The following ULK4 variants were observed in gnomAD, a reference collection of about 807,000 sequenced individuals.
The protein encoded by ULK4 is inactive serine/threonine-protein kinase ULK4.
Under a neutral mutation model 160.6 loss-of-function variants are expected in ULK4, and 133 were observed. The observed-to-expected ratio is 0.83, with a 90% CI of 0.72 to 0.96. ULK4 has a LOEUF of 0.96. ULK4 is among the 40% of genes least tolerant of loss of function. The pLI, the probability that ULK4 is intolerant of heterozygous loss-of-function variation, is 0.00. For missense variants in ULK4, 1,580 were observed against 1,499.5 expected, an observed-to-expected ratio of 1.05 and a Z score of -0.89; for synonymous variants, 534 against 539.8, an observed-to-expected ratio of 0.99 and a Z score of 0.15.
At chr3:41,545,672 C>T (rs1459112365) in intron 32 of ULK4, among the ~76,000 whole-genome samples, 1 of 152,134 alleles carries the variant, frequency 6.6e-6, no homozygotes, top group African/African-American at 2.4e-5. Context: ...ATATGCTTTA[C>T]CAAATTTGTG....
chr3:41,473,185 CA>C (rs1290087289), intron 32 of ULK4, among the ~76,000 whole-genome samples: 3 of 152,212 alleles, frequency 2.0e-5, no homozygotes, highest in Non-Finnish European at 2.9e-5. Flanking sequence ...CAGAGGAACA[CA>C]AGGATGCCCA....
intron 17 of ULK4, among the ~76,000 whole-genome samples, chr3:41,837,128 T>C (rs2041781653): frequency 6.6e-6 from 1 of 152,222 alleles, no homozygotes; most frequent in African/African-American, 2.4e-5. Context: ...TGGTCTCATT[T>C]TGCAAATAAG....
At chr3:41,584,122 A>G (rs1268708857) in intron 31 of ULK4, among the ~76,000 whole-genome samples, 2 of 152,330 alleles carry the variant, frequency 1.3e-5, no homozygotes, top group East Asian at 1.9e-4. Context: ...TCTGATTTAT[A>G]AAGAATGGTA....
chr3:41,762,507 T>C (rs1051159433), intron 21 of ULK4, among the ~76,000 whole-genome samples: 1 of 152,052 alleles, frequency 6.6e-6, no homozygotes, highest in Non-Finnish European at 1.5e-5. Flanking sequence ...CTGGGTAATA[T>C]ATAAAGGAAA....
intron 30 of ULK4, among the ~76,000 whole-genome samples, chr3:41,632,737 A>AC (rs200883700): frequency 0.022 from 1,400 of 65,052 alleles, 18 homozygotes; most frequent in African/African-American, 0.1. Context: ...GATTCTAACA[A>AC]AAAAAAAAAA....
intron 21 of ULK4, among the ~76,000 whole-genome samples, chr3:41,781,731 G>C (rs1355151665): frequency 1.3e-5 from 2 of 152,296 alleles, no homozygotes; most frequent in East Asian, 3.9e-4. Flanking sequence ...CTGAGGTCAG[G>C]AGTTCGAGAC....
At chr3:41,745,953 GA>G (rs574504371) in intron 22 of ULK4, among the ~76,000 whole-genome samples, 15 of 146,026 alleles carry the variant, frequency 1.0e-4, no homozygotes, top group African/African-American at 2.8e-4. Flanking sequence ...CATGATGAGA[GA>G]AAAAAAAAAC....
chr3:41,551,942 C>T (rs1367097639), intron 32 of ULK4, among the ~76,000 whole-genome samples: 1 of 151,778 alleles, frequency 6.6e-6, no homozygotes, highest in Middle Eastern at 3.2e-3. Flanking sequence ...ATTCCAGGGA[C>T]ACAAGGATGG....
intron 32 of ULK4, among the ~76,000 whole-genome samples, chr3:41,534,020 G>C (rs1436166123): frequency 6.6e-6 from 1 of 152,104 alleles, no homozygotes; most frequent in Non-Finnish European, 1.5e-5. Flanking sequence ...TGTTAGCCAA[G>C]ATGGTCTCGA....
intron 35 of ULK4, among the ~76,000 whole-genome samples, chr3:41,397,017 G>A (rs1480839136): frequency 6.6e-6 from 1 of 152,118 alleles, no homozygotes; most frequent in Non-Finnish European, 1.5e-5. Context: ...ATTGGTGCAA[G>A]TCATTTTGAG....
At chr3:41,614,079 G>A (rs779413668) in intron 31 of ULK4, among the ~76,000 whole-genome samples, 24 of 152,210 alleles carry the variant, frequency 1.6e-4, no homozygotes, top group Non-Finnish European at 3.4e-4. Flanking sequence ...GTATGAAGGT[G>A]TTCTGGTAAC....
At chr3:41,578,900 A>T (rs1162167961) in intron 31 of ULK4, among the ~76,000 whole-genome samples, 2 of 152,220 alleles carry the variant, frequency 1.3e-5, no homozygotes, top group Non-Finnish European at 2.9e-5. Flanking sequence ...TTCAGAGCTT[A>T]ATTTCTTCAG....
At chr3:41,394,934 G>A (rs1161162346) in intron 35 of ULK4, among the ~76,000 whole-genome samples, 1 of 152,102 alleles carries the variant, frequency 6.6e-6, no homozygotes, top group Non-Finnish European at 1.5e-5. Context: ...ACATCAAAGA[G>A]TTAGAGTGAC....
At chr3:41,441,238 A>T (rs9859726) in intron 34 of ULK4, among the ~76,000 whole-genome samples, 45,976 of 151,856 alleles carry the variant, frequency 0.3, 7,115 homozygotes, top group African/African-American at 0.32. Flanking sequence ...AACTAAGGTA[A>T]TTGATTTGAG....
At chr3:41,808,753 G>A (rs1247157375) in intron 19 of ULK4, among the ~76,000 whole-genome samples, 2 of 152,184 alleles carry the variant, frequency 1.3e-5, no homozygotes, top group Admixed American at 6.5e-5. Flanking sequence ...TAGGCAGGCC[G>A]TTAGCCTTGC....
At chr3:41,525,397 C>T (rs1434335807) in intron 32 of ULK4, among the ~76,000 whole-genome samples, 2 of 152,210 alleles carry the variant, frequency 1.3e-5, no homozygotes, top group African/African-American at 4.8e-5. Flanking sequence ...TGTTTCTCTT[C>T]CTGATCGGCT....
intron 18 of ULK4, among the ~76,000 whole-genome samples, chr3:41,826,507 T>C (rs543418500): frequency 6.6e-6 from 1 of 151,260 alleles, no homozygotes; most frequent in Admixed American, 6.6e-5. Context: ...GGGGTTGCAA[T>C]CCTAGTCTCT....
chr3:41,642,552 G>T (rs936567917), intron 30 of ULK4, among the ~76,000 whole-genome samples: 4 of 152,250 alleles, frequency 2.6e-5, no homozygotes, highest in South Asian at 2.1e-4. Flanking sequence ...GTATTCCATG[G>T]TGTATATGTG....
intron 32 of ULK4, among the ~76,000 whole-genome samples, chr3:41,479,218 C>T (rs2125894561): frequency 6.6e-6 from 1 of 152,328 alleles, no homozygotes; most frequent in South Asian, 2.1e-4. Flanking sequence ...TCTCCTTTTT[C>T]CTCCCCTGTC....
Sources: gnomAD v4.1 joint callset for allele counts (sites outside exome capture counted in the v4.1 genomes callset) on GRCh38, gnomAD v4.1.1 for gene constraint, MANE v1.5 for transcripts, NCBI Gene and HGNC (gene_info 2026-07-23, HGNC 2026-07-21) for gene names.